The following FANCD2 variants were observed in gnomAD, a reference collection of about 807,000 sequenced individuals.
FANCD2 encodes the protein Fanconi anemia group D2 protein.
FANCD2 carries 131 observed loss-of-function variants against 192.3 expected under a neutral mutation model. That is an observed-to-expected ratio of 0.68 (90% CI 0.59 to 0.79). The LOEUF is 0.79. FANCD2 is among the 30% of genes least tolerant of loss of function. FANCD2 has a pLI of 0.00. For missense variants in FANCD2, 1,508 were observed against 1,701.6 expected (o/e 0.89, Z 2.00); for synonymous variants, 524 against 612.5 (o/e 0.86, Z 2.13).
intron 29 of FANCD2, among the ~76,000 whole-genome samples, chr3:10,075,253 C>A (rs35148833): frequency 0.19 from 29,499 of 151,510 alleles, 3,303 homozygotes; most frequent in African/African-American, 0.31. Flanking sequence ...CGCGGATCTC[C>A]ACTCACTGCA....
At chr3:10,040,870 C>G in intron 9 of FANCD2, 1 of 214,460 alleles carries the variant, frequency 4.7e-6, no homozygotes, top group Non-Finnish European at 9.4e-6. Context: ...AGCTCATCTC[C>G]TTTTGTATAG....
intron 38 of FANCD2, 100 bp from the exon 39 acceptor site, chr3:10,093,185 C>A (rs1694754141): frequency 1.2e-6 from 1 of 848,822 alleles, no homozygotes; most frequent in South Asian, 1.4e-5. Flanking sequence ...TTTTAGAATT[C>A]TCTGCAGCAC....
At chr3:10,075,277 G>A (rs35238230) in intron 29 of FANCD2, among the ~76,000 whole-genome samples, 2 of 151,700 alleles carry the variant, frequency 1.3e-5, no homozygotes, top group Middle Eastern at 3.4e-3. Context: ...TCTGCCTCCC[G>A]GGTTCACGCC....
At chr3:10,095,341 A>C in intron 41 of FANCD2, 67 bp downstream of exon 41, 1 of 1,238,470 alleles carries the variant, frequency 8.1e-7, no homozygotes, top group Non-Finnish European at 1.2e-6. Context: ...CTATTGGGGG[A>C]TCCATGGGCT....
chr3:10,063,655 A>G (rs1024807043), intron 20 of FANCD2, 137 bp from the exon 21 acceptor site: 1 of 1,083,972 alleles, frequency 9.2e-7, no homozygotes, highest in African/African-American at 1.5e-5. Flanking sequence ...GGGTCAGAAC[A>G]TTCAGGAAAA....
At chr3:10,048,261 A>C (rs2125004086) in intron 16 of FANCD2, among the ~76,000 whole-genome samples, 1 of 152,376 alleles carries the variant, frequency 6.6e-6, no homozygotes, top group African/African-American at 2.4e-5. Flanking sequence ...TCTCTGTCTG[A>C]AATTAAGATC....
intron 13 of FANCD2, 89 bp downstream of exon 13, chr3:10,043,681 T>G: frequency 1.3e-5 from 18 of 1,347,906 alleles, no homozygotes; most frequent in Non-Finnish European, 1.9e-5. Context: ...AATAAAAATC[T>G]CAAAACTCAT....
rs780654495 is a variant in FANCD2, at chr3:10,041,214, CAAAA to C, written c.696-402_696-399del. The C allele has an allele frequency of 1.3e-4, 27 of 213,610 alleles. No homozygotes were observed. The East Asian group carries it at 2.8e-3, about 22-fold the overall frequency. The allele number at this position is 213,610 out of a possible 1,614,324, so 13.2% of individuals were successfully genotyped here. A position where few individuals can be genotyped will look rare whatever the true frequency, so the allele number is the denominator to read the frequency against. On this transcript the variant is annotated intron_variant, in intron 9 of 43. Transcript: ENST00000675286. ...GACCCTGTCTCAAAAAACAAACAAA[CAAAA>C]AAAAAAGCAATCTATCACTGTCCTT...
At chr3:10,056,100 A>C (rs2087403332) in intron 18 of FANCD2, among the ~76,000 whole-genome samples, 1 of 152,060 alleles carries the variant, frequency 6.6e-6, no homozygotes, top group African/African-American at 2.4e-5. Context: ...GCTGGTCTTG[A>C]ACTCCTCACC....
chr3:10,074,748 G>T lies in FANCD2; in HGVS notation c.2859+75G>T, dbSNP rs959784429. On this transcript the variant is annotated intron_variant, in intron 29 of 43. Transcript: ENST00000675286. ...CTCAGGTCTATTCTTATTTCACAAA[G>T]AACACTGTGACACTGAGGAGAGAAG... 5.0e-6 allele frequency: 7 copies of T among 1,409,384 alleles called. No homozygotes were observed. In the African/African-American group the frequency reaches 7.1e-5, roughly 14 times the overall value. 87.3% of individuals were successfully genotyped at this position (1,409,384 alleles called of 1,614,324 possible).
chr3:10,097,607 C>T (rs1695050427), intron 42 of FANCD2, among the ~76,000 whole-genome samples: 1 of 152,144 alleles, frequency 6.6e-6, no homozygotes, highest in African/African-American at 2.4e-5. Flanking sequence ...GTTGTTTTTT[C>T]AGGGTGCCCA....
intron 1 of FANCD2, among the ~76,000 whole-genome samples, chr3:10,028,387 T>C (rs1380953350): frequency 6.6e-6 from 1 of 152,042 alleles, no homozygotes; most frequent in Non-Finnish European, 1.5e-5. Flanking sequence ...GAGTGATGGG[T>C]TTTATCCTTC....
chr3:10,060,380 G>T lies in FANCD2; in HGVS notation c.1743G>T (p.Met581Ile). ...KLIGIIGAVT[M>I]AGIMAADRSE... ...TTGGGATTATTGGTGCTGTGACCAT[G>T]GCTGGCATCATGGCGGCAGACAGGT... Residue 581 changes from methionine to isoleucine, a missense_variant, in exon 19 of 44, where the codon ATG becomes ATT. By Grantham distance (10) the Met-to-Ile change is conservative. This residue lies in a region of FANCD2 where 110 missense variants were observed against 114.4 expected (regional missense o/e 0.96). Coordinates refer to ENST00000675286, the MANE Select transcript of FANCD2 (RefSeq NM_001018115.3). 1 of 1,613,948 alleles carries T rather than the reference G, an allele frequency of 6.2e-7. No individual in the cohort carries two copies. Among genetic ancestry groups the T allele is most frequent in the Non-Finnish European group, 8.5e-7 (1 of 1,179,948 alleles).
chr3:10,100,396 C>T (rs185312880), intron 43 of FANCD2, among the ~76,000 whole-genome samples: 14 of 152,188 alleles, frequency 9.2e-5, no homozygotes, highest in South Asian at 4.1e-4. Flanking sequence ...TTTTTTGAGA[C>T]GGAGTCTCCC....
chr3:10,089,216 C>T (rs918476788), intron 36 of FANCD2, among the ~76,000 whole-genome samples: 3 of 151,744 alleles, frequency 2.0e-5, no homozygotes, highest in African/African-American at 4.8e-5. Context: ...ACCTGGGAGG[C>T]GGAGGTTGCA....
At chr3:10,054,465 ATATATATATTTTTTTTTTT>A (rs1559383420) in intron 18 of FANCD2, among the ~76,000 whole-genome samples, 22 of 23,494 alleles carry the variant, frequency 9.4e-4, no homozygotes, top group African/African-American at 4.5e-3. Flanking sequence ...ATATATATAT[ATATATATATTTTTTTTTTT>A]TTTTTTTTTT....
rs1239286053 is a variant in FANCD2 at position 10,044,789 on chromosome 3, C to CA, written c.1134+927dup. Among the ~76,000 whole-genome samples the CA allele has an allele frequency of 2.0e-5, 3 of 152,280 alleles. No homozygotes were observed. The South Asian group carries it at 6.2e-4, about 32-fold the overall frequency. On this transcript the variant is annotated intron_variant, in intron 14 of 43. Transcript: ENST00000675286. ...TCTGGTGAAAAATATCAAAGTACTCCAACACACTGTTTTTGGTTTTGGATA... is the reference window on the plus strand; with the variant it reads ...TCTGGTGAAAAATATCAAAGTACTCCAAACACACTGTTTTTGGTTTTGGATA...
chr3:10,067,642 A>G lies in FANCD2; in HGVS notation c.2494+325A>G, dbSNP rs2087758426. On this transcript the variant is annotated intron_variant, in intron 26 of 43. Coordinates refer to ENST00000675286, the MANE Select transcript of FANCD2 (RefSeq NM_001018115.3). The stretch of plus-strand genomic sequence containing the variant: ...GTGAAACCCTGTTTGTACTAAACAT[A>G]CAAAAATTAGCCAGGCGTGGTTGTG... Among the ~76,000 whole-genome samples, 3 of 152,294 alleles carry G rather than the reference A, an allele frequency of 2.0e-5. No individual in the cohort carries two copies. The South Asian group carries it at 6.2e-4, about 32-fold the overall frequency.
At chr3:10,039,184 A>T in intron 7 of FANCD2, 95 bp from the exon 8 acceptor site, 1 of 855,262 alleles carries the variant, frequency 1.2e-6, no homozygotes, top group Non-Finnish European at 1.9e-6. Flanking sequence ...GGTAAATGTT[A>T]ATGGAATGGC....
Sources: allele counts gnomAD v4.1 joint callset (sites outside exome capture counted in the v4.1 genomes callset), GRCh38; gene constraint gnomAD v4.1.1; regional missense constraint gnomAD v4.1.1; transcripts MANE v1.5; gene names NCBI Gene and HGNC (gene_info 2026-07-23, HGNC 2026-07-21).